HELB: variants seen among roughly 807,000 people sequenced by gnomAD.
HELB encodes DNA 5'-3' helicase B.
In HELB, 96 loss-of-function variants were observed where a neutral mutation model predicts 101.7. The observed-to-expected ratio is 0.94, with a 90% CI of 0.80 to 1.12. HELB has a LOEUF of 1.12. Among genes scored for constraint, HELB ranks in the 50% most tolerant of loss-of-function variants. HELB has a pLI of 0.00. For synonymous variants in HELB, 437 were observed against 459.7 expected, an observed-to-expected ratio of 0.95 and a Z score of 0.63; for missense variants, 1,210 against 1,291.9, an observed-to-expected ratio of 0.94 and a Z score of 0.97.
intron 4 of HELB, among the ~76,000 whole-genome samples, chr12:66,312,225 G>A (rs571983113): frequency 6.6e-6 from 1 of 152,272 alleles, no homozygotes; most frequent in South Asian, 2.1e-4. Context: ...TGTAGAACTG[G>A]GACTTGAAAT....
downstream of HELB, chr12:66,340,165 T>G (rs1335733647): frequency 6.6e-6 from 1 of 152,208 alleles, no homozygotes; most frequent in Non-Finnish European, 1.5e-5. Context: ...ATATGGTAAC[T>G]CTATGTTTAA....
At chr12:66,335,985 T>C (rs2053862557) in intron 12 of HELB, among the ~76,000 whole-genome samples, 1 of 152,214 alleles carries the variant, frequency 6.6e-6, no homozygotes, top group Admixed American at 6.5e-5. Context: ...GTAGTAACCT[T>C]GTTTGACTCT....
chr12:66,330,068 T>C (rs1365412891), intron 11 of HELB, among the ~76,000 whole-genome samples: 1 of 152,214 alleles, frequency 6.6e-6, no homozygotes, highest in Non-Finnish European at 1.5e-5. Flanking sequence ...ACTTGCCCCA[T>C]CTTGTCAGTT....
At chr12:66,323,605 A>G (rs1485753494) in intron 9 of HELB, among the ~76,000 whole-genome samples, 1 of 152,252 alleles carries the variant, frequency 6.6e-6, no homozygotes, top group Non-Finnish European at 1.5e-5. Flanking sequence ...TAAGTGCTGT[A>G]AGACCTCAAA....
chr12:66,331,096 T>C (rs758282606), intron 11 of HELB, 58 bp from the exon 12 acceptor site: 20 of 1,527,518 alleles, frequency 1.3e-5, no homozygotes, highest in Non-Finnish European at 1.7e-5. Context: ...TCCTTGTCTG[T>C]AAACTGTCTG....
chr12:66,302,499 T>G lies in HELB; in HGVS notation c.-105T>G. The stretch of plus-strand genomic sequence containing the variant: ...ATGTACGCTGGCGGCCGCCAGGCCG[T>G]TCCCGGAAGTTGATGGCCTTACAGT... On this transcript the variant is annotated 5_prime_UTR_variant, in exon 1 of 13. Coordinates refer to ENST00000247815, the MANE Select transcript of HELB (RefSeq NM_001370285.1). 1.9e-6 allele frequency: 2 copies of G among 1,062,920 alleles called. No homozygotes were observed. Among genetic ancestry groups the G allele is most frequent in the Non-Finnish European group, 2.7e-6 (2 of 751,126 alleles). 65.8% of individuals were successfully genotyped at this position (1,062,920 alleles called of 1,614,324 possible).
At chr12:66,329,383 A>G in intron 11 of HELB, among the ~76,000 whole-genome samples, 1 of 152,204 alleles carries the variant, frequency 6.6e-6, no homozygotes, top group Non-Finnish European at 1.5e-5. Flanking sequence ...TAGAGGAAGT[A>G]CAGGGTGCTG....
At chr12:66,308,967 G>C (rs1358206415) in intron 3 of HELB, among the ~76,000 whole-genome samples, 3 of 152,300 alleles carry the variant, frequency 2.0e-5, no homozygotes, top group South Asian at 4.1e-4. Flanking sequence ...GACGTGCTCA[G>C]TAGATTATAG....
chr12:66,325,273 GCCA>G, intron 11 of HELB, 147 bp downstream of exon 11: 1 of 545,726 alleles, frequency 1.8e-6, no homozygotes, highest in South Asian at 2.6e-5. Context: ...TAGAGAAGAC[GCCA>G]CCCTTTTGCT....
rs778478457 is a variant in HELB at position 66,324,186 on chromosome 12, A to G, written c.2501A>G (p.Asn834Ser). 1.9e-6 allele frequency: 3 copies of G among 1,611,194 alleles called. No homozygotes were observed. In the African/African-American group the frequency reaches 4.0e-5, roughly 22 times the overall value. The change falls in exon 10 of 13, where the codon AAT (asparagine) becomes AGT (serine). Residue 834 changes from asparagine (N) to serine (S), a missense_variant. By Grantham distance (46) the Asn-to-Ser change is conservative (BLOSUM62 1). Coordinates refer to ENST00000247815, the MANE Select transcript of HELB (RefSeq NM_001370285.1). ...TTTGAAAGTAACGTTCGACTGTGCAATGGAGAGATATTTTTCATAACAAAT... is the reference window on the plus strand; with the variant it reads ...TTTGAAAGTAACGTTCGACTGTGCAGTGGAGAGATATTTTTCATAACAAAT... ...RDFESNVRLCNGEIFFITNDV... is the reference protein window; with the variant it reads ...RDFESNVRLCSGEIFFITNDV...
At chr12:66,323,283 G>A (rs1446063116) in intron 9 of HELB, among the ~76,000 whole-genome samples, 1 of 151,942 alleles carries the variant, frequency 6.6e-6, no homozygotes, top group Non-Finnish European at 1.5e-5. Context: ...TAAGGTATAG[G>A]TGGAGTGCCT....
rs764397288 is a variant in HELB at position 66,315,345 on chromosome 12, T to C, written c.1962T>C (p.His654=). 1.9e-6 allele frequency: 3 copies of C among 1,606,392 alleles called. No homozygotes were observed. Among genetic ancestry groups the C allele is most frequent in the Non-Finnish European group, 2.5e-6 (3 of 1,176,662 alleles). The change falls in exon 6 of 13, where the codon CAT becomes CAC. Residue 654 remains histidine, a synonymous_variant. Coordinates refer to ENST00000247815, the MANE Select transcript of HELB (RefSeq NM_001370285.1). ...RNCAIELKTN[H]RAESQLIVDN... ...GTGCTATTGAGCTAAAGACAAACCA[T>C]AGAGCAGAATCTCAGCTCATTGTGG... is the stretch of plus-strand genomic sequence containing the variant.
In HELB at chr12:66,309,880, T is replaced by G. The variant is rs1425488952; in HGVS notation, c.952T>G (p.Leu318Val). ...GCACACATATGTTGAAGTGAATGAC[T>G]TAACTTTGACATTGTCAAATCATAT... The part of the protein sequence containing the change: ...DGHTYVEVND[L>V]TLTLSNHMSF... The change falls in exon 4 of 13, where the codon TTA becomes GTA. Residue 318 changes from leucine (L) to valine (V), a missense_variant. Physicochemically the swap from Leu to Val is conservative, Grantham distance 32. This residue lies in a region of HELB where 470 missense variants were observed against 563.1 expected (regional missense o/e 0.83). Transcript: ENST00000247815. 1.2e-6 allele frequency: 2 copies of G among 1,614,174 alleles called. No individual in the cohort carries two copies. Among genetic ancestry groups the G allele is most frequent in the Non-Finnish European group, 1.7e-6 (2 of 1,179,996 alleles).
At chr12:66,322,487 C>T (rs1010963329) in intron 8 of HELB, among the ~76,000 whole-genome samples, 1 of 150,524 alleles carries the variant, frequency 6.6e-6, no homozygotes, top group African/African-American at 2.4e-5. Flanking sequence ...ATTGCTTGAA[C>T]CCGGGAGGTG....
rs748795758 is a variant in HELB at position 66,315,291 on chromosome 12, T to A, written c.1908T>A (p.Asp636Glu). Residue 636 changes from aspartate (D) to glutamate (E), a missense_variant, in exon 6 of 13, where the codon GAT becomes GAA. Around this residue, in one of 2 missense-constraint regions of HELB, gnomAD observed 740 missense variants for 728.8 expected, o/e 1.02. Coordinates refer to ENST00000247815, the MANE Select transcript of HELB (RefSeq NM_001370285.1). ...TTGAACCTGGTAACTTGCTGAAAGA[T>A]CTTTTTGAGACTCTTAAGTCAAGAA... Reference protein sequence around the residue: ...PSIEPGNLLKDLFETLKSRNC... With the variant: ...PSIEPGNLLKELFETLKSRNC... 7 of 1,609,154 alleles carry A rather than the reference T, an allele frequency of 4.4e-6. No individual in the cohort carries two copies. In the Admixed American group the frequency reaches 1.2e-4, roughly 27 times the overall value.
chr12:66,331,208 T>A lies in HELB; in HGVS notation c.2725T>A (p.Trp909Arg). Reference protein sequence around the residue: ...YVVGKAGRQHWQHVYTAVTRG... With the variant: ...YVVGKAGRQHRQHVYTAVTRG... ...GGTGGGGAAGGCGGGCCGCCAGCACTGGCAGCATGTCTACACCGCCGTGAC... is the reference window on the plus strand; with the variant it reads ...GGTGGGGAAGGCGGGCCGCCAGCACAGGCAGCATGTCTACACCGCCGTGAC... Residue 909 changes from tryptophan to arginine, a missense_variant, in exon 12 of 13, where the codon TGG becomes AGG. This residue lies in a region of HELB where 740 missense variants were observed against 728.8 expected (regional missense o/e 1.02). Coordinates refer to ENST00000247815, the MANE Select transcript of HELB (RefSeq NM_001370285.1). 6.2e-7 allele frequency: 1 copy of A among 1,613,180 alleles called. No individual in the cohort carries two copies. The highest frequency in any genetic ancestry group is 8.5e-7 in the Non-Finnish European group (1 of 1,179,136).
chr12:66,326,304 G>A (rs1219959083), intron 11 of HELB, among the ~76,000 whole-genome samples: 5 of 151,688 alleles, frequency 3.3e-5, no homozygotes, highest in East Asian at 1.9e-4. Flanking sequence ...GTGCAGTGGC[G>A]CGATCTTGGC....
chr12:66,318,300 C>T (rs2053632715), intron 6 of HELB, among the ~76,000 whole-genome samples: 1 of 152,152 alleles, frequency 6.6e-6, no homozygotes, highest in South Asian at 2.1e-4. Context: ...TAATACCTTC[C>T]TTGCATGGTT....
chr12:66,310,649 C>T (rs374925671), intron 4 of HELB, 41 bp downstream of exon 4: 43 of 1,557,678 alleles, frequency 2.8e-5, no homozygotes, highest in Non-Finnish European at 3.6e-5. Context: ...AAACATTTGT[C>T]GGCCGGGCAC....
Sources: gnomAD v4.1 joint callset for allele counts (sites outside exome capture counted in the v4.1 genomes callset) on GRCh38, gnomAD v4.1.1 for gene constraint, gnomAD v4.1.1 regional missense constraint, MANE v1.5 for transcripts, NCBI Gene and HGNC (gene_info 2026-07-23, HGNC 2026-07-21) for gene names.